The following CNGB3 variants were observed in gnomAD, a reference collection of about 807,000 sequenced individuals.
The protein encoded by CNGB3 is cyclic nucleotide-gated channel beta-3.
CNGB3 carries 86 observed loss-of-function variants against 92.8 expected under a neutral mutation model. The observed-to-expected ratio is 0.93, with a 90% CI of 0.78 to 1.11. The LOEUF (loss-of-function observed/expected upper bound fraction) is 1.11. CNGB3 is among the 50% of genes least tolerant of loss of function. The pLI, the probability that CNGB3 is intolerant of heterozygous loss-of-function variation, is 0.00. For missense variants in CNGB3, 1,026 were observed against 956.8 expected, an observed-to-expected ratio of 1.07 and a Z score of -0.95; for synonymous variants, 333 against 332.7, an observed-to-expected ratio of 1.00 and a Z score of -0.01.
At chr8:86,589,901 T>C (rs1296328006) in intron 15 of CNGB3, among the ~76,000 whole-genome samples, 6 of 151,998 alleles carry the variant, frequency 3.9e-5, no homozygotes, top group Middle Eastern at 3.4e-3. Context: ...CCCTGTTGAC[T>C]TTCTGTCTCG....
chr8:86,642,044 CCT>C (rs753265945), intron 10 of CNGB3, among the ~76,000 whole-genome samples: 1 of 151,542 alleles, frequency 6.6e-6, no homozygotes, highest in African/African-American at 2.4e-5. Context: ...CCTTACTCCC[CCT>C]CTCTCTTCCT....
chr8:86,629,321 T>C (rs967889517), intron 11 of CNGB3, among the ~76,000 whole-genome samples: 1 of 152,182 alleles, frequency 6.6e-6, no homozygotes, highest in African/African-American at 2.4e-5. Flanking sequence ...CAAATTATAT[T>C]CTCTCTCTGA....
At chr8:86,661,172 C>T in intron 6 of CNGB3, 1 of 243,210 alleles carries the variant, frequency 4.1e-6, no homozygotes, top group Non-Finnish European at 8.3e-6. Context: ...TTGACAACCA[C>T]AACAGTTTCT....
At chr8:86,640,202 T>C (rs1033932326) in intron 10 of CNGB3, among the ~76,000 whole-genome samples, 1 of 152,128 alleles carries the variant, frequency 6.6e-6, no homozygotes, top group African/African-American at 2.4e-5. Context: ...CAATTTTTGC[T>C]TTATGGTTTT....
At chr8:86,607,734 C>T (rs1482565780) in intron 14 of CNGB3, among the ~76,000 whole-genome samples, 1 of 152,146 alleles carries the variant, frequency 6.6e-6, no homozygotes, top group Non-Finnish European at 1.5e-5. Flanking sequence ...TTTCAACCAG[C>T]CCAAGCTACC....
At chr8:86,583,640 C>T (rs1010392483) in intron 15 of CNGB3, among the ~76,000 whole-genome samples, 16 of 152,018 alleles carry the variant, frequency 1.1e-4, no homozygotes, top group Non-Finnish European at 2.4e-4. Flanking sequence ...TTGACTTAGA[C>T]CTGGCAAGGT....
In CNGB3 at chr8:86,629,001, C is replaced by G; in HGVS notation, c.1398G>C (p.Met466Ile). 6.2e-7 allele frequency: 1 copy of G among 1,613,996 alleles called. No homozygotes were observed. Among genetic ancestry groups the G allele is most frequent in the Non-Finnish European group, 8.5e-7 (1 of 1,179,962 alleles). The stretch of plus-strand genomic sequence containing the variant: ...CAAGTTTAGGAATGGAGTAATTGTT[C>G]ATGTAGGCAATGGTGTCATCCATGC... ...RACMDDTIAY[M>I]NNYSIPKLVQ... The change falls in exon 12 of 18, where the codon ATG becomes ATC. Residue 466 changes from methionine (M) to isoleucine (I), a missense_variant. Met to Ile is a conservative substitution (Grantham distance 10). Transcript: ENST00000320005.
At chr8:86,693,463 T>A (rs1050640931) in intron 3 of CNGB3, among the ~76,000 whole-genome samples, 25 of 125,296 alleles carry the variant, frequency 2.0e-4, no homozygotes, top group Non-Finnish European at 3.6e-4. Context: ...TTATTTATTT[T>A]TATTGATTAT....
chr8:86,582,972 G>A (rs1399124648), intron 15 of CNGB3, among the ~76,000 whole-genome samples: 1 of 151,362 alleles, frequency 6.6e-6, no homozygotes, highest in Non-Finnish European at 1.5e-5. Context: ...TTTTGCTGTT[G>A]TCACCCAGGC....
intron 8 of CNGB3, among the ~76,000 whole-genome samples, chr8:86,646,039 T>C (rs2131595987): frequency 6.6e-6 from 1 of 151,274 alleles, no homozygotes; most frequent in East Asian, 1.9e-4. Flanking sequence ...AGAGGGCTTT[T>C]GGACATTTTA....
chr8:86,668,208 G>T, intron 4 of CNGB3, 40 bp from the exon 5 acceptor site: 1 of 1,606,532 alleles, frequency 6.2e-7, no homozygotes, highest in Non-Finnish European at 8.5e-7. Context: ...ATTTGAAGAG[G>T]TTAAGTTAGT....
chr8:86,688,067 T>G (rs1190467919), intron 3 of CNGB3, among the ~76,000 whole-genome samples: 1 of 151,846 alleles, frequency 6.6e-6, no homozygotes, highest in African/African-American at 2.4e-5. Flanking sequence ...GGTGTATGGG[T>G]TTAAGAAATG....
intron 3 of CNGB3, among the ~76,000 whole-genome samples, chr8:86,687,565 A>G (rs1389118270): frequency 3.3e-5 from 5 of 152,082 alleles, no homozygotes; most frequent in Admixed American, 2.0e-4. Flanking sequence ...TTCAATGTGT[A>G]AAAGATCTTA....
chr8:86,657,857 T>C, intron 6 of CNGB3: 3 of 534,096 alleles, frequency 5.6e-6, no homozygotes, highest in Non-Finnish European at 1.1e-5. Context: ...TCTGGTACAG[T>C]GTGATGTACT....
chr8:86,631,334 T>C (rs1482329589), intron 11 of CNGB3, among the ~76,000 whole-genome samples: 2 of 152,310 alleles, frequency 1.3e-5, no homozygotes, highest in Non-Finnish European at 2.9e-5. Context: ...GTGCTAGAAA[T>C]AGTATTTTAG....
intron 3 of CNGB3, among the ~76,000 whole-genome samples, chr8:86,691,701 T>C (rs73273383): frequency 0.09 from 13,722 of 152,222 alleles, 679 homozygotes; most frequent in East Asian, 0.14. Context: ...ATTTCTCTTT[T>C]GTATTTTTTG....
rs549858104 is a variant in CNGB3 at position 86,643,742 on chromosome 8, A to G, written c.1178+9T>C. 1.7e-4 allele frequency: 271 copies of G among 1,604,870 alleles called. 3 individuals carry two copies. The South Asian group carries it at 2.9e-3, about 17-fold the overall frequency. ...ATCAATAAAGGTTTCTTTCAAAATC[A>G]GAACTTACTCGTTTCCTTCCCCATC... On this transcript the variant is annotated intron_variant, in intron 10 of 17. Transcript: ENST00000320005.
chr8:86,625,683 C>G (rs1485162797), intron 13 of CNGB3, among the ~76,000 whole-genome samples: 1 of 151,996 alleles, frequency 6.6e-6, no homozygotes, highest in Non-Finnish European at 1.5e-5. Flanking sequence ...GGAGGTGATA[C>G]ATGTACTAGC....
intron 15 of CNGB3, among the ~76,000 whole-genome samples, chr8:86,598,253 G>T (rs1389551655): frequency 6.6e-6 from 1 of 152,194 alleles, no homozygotes; most frequent in Non-Finnish European, 1.5e-5. Flanking sequence ...ATGGTTATTG[G>T]ATTTGAGTGA....
Sources: gnomAD v4.1 joint callset for allele counts (sites outside exome capture counted in the v4.1 genomes callset) on GRCh38, gnomAD v4.1.1 for gene constraint, MANE v1.5 for transcripts, NCBI Gene and HGNC (gene_info 2026-07-23, HGNC 2026-07-21) for gene names.